The following ZFYVE1 variants were observed in gnomAD, a reference collection of about 807,000 sequenced individuals.
The protein encoded by ZFYVE1 is zinc finger FYVE domain-containing protein 1.
In ZFYVE1, 30 loss-of-function variants were observed where a neutral mutation model predicts 74.4. The ratio of observed to expected loss-of-function variants is 0.40; its 90% CI spans 0.30 to 0.55. The LOEUF (loss-of-function observed/expected upper bound fraction) is 0.55, where lower values mean the gene tolerates loss of function less well. ZFYVE1 is among the 20% of genes least tolerant of loss of function. The probability of loss-of-function intolerance (pLI) is 0.42; values close to 1 mark genes in which losing one functional copy is unlikely to be tolerated. For synonymous variants in ZFYVE1, 335 were observed against 385.1 expected, an observed-to-expected ratio of 0.87 and a Z score of 1.52; for missense variants, 703 against 1,011.6, an observed-to-expected ratio of 0.69 and a Z score of 4.14.
intron 2 of ZFYVE1, among the ~76,000 whole-genome samples, chr14:73,012,194 G>A (rs1371535052): frequency 6.6e-6 from 1 of 152,104 alleles, no homozygotes; most frequent in East Asian, 1.9e-4. Flanking sequence ...GGAAGAGGTA[G>A]ATAGGTTGTC....
intron 2 of ZFYVE1, among the ~76,000 whole-genome samples, chr14:73,013,511 G>A (rs1447635176): frequency 6.6e-6 from 1 of 152,012 alleles, no homozygotes; most frequent in Admixed American, 6.6e-5. Flanking sequence ...CGGAGGCTGA[G>A]GCAGGTGAAT....
At chr14:72,989,814 A>C (rs1893566556) in intron 4 of ZFYVE1, among the ~76,000 whole-genome samples, 1 of 152,142 alleles carries the variant, frequency 6.6e-6, no homozygotes, top group Non-Finnish European at 1.5e-5. Context: ...AAAAAAAAGA[A>C]AAAGAAAAAA....
In ZFYVE1 at chr14:72,997,875, T is replaced by C. The variant is rs1893783169; in HGVS notation, c.924A>G (p.Leu308=). Residue 308 remains leucine (L), a synonymous_variant, in exon 3 of 12, where the codon TTA becomes TTG. Transcript: ENST00000556143. ...TTARCGLDVP[L]STLGPAVIIF... ...TGATAACTGCAGGGCCCAGTGTGGA[T>C]AAAGGGACATCCAGGCCACAGCGAG... is the stretch of plus-strand genomic sequence containing the variant. The C allele has an allele frequency of 3.1e-6, 5 of 1,613,596 alleles. No homozygotes were observed. Among genetic ancestry groups the C allele is most frequent in the Non-Finnish European group, 4.2e-6 (5 of 1,179,600 alleles).
intron 4 of ZFYVE1, among the ~76,000 whole-genome samples, chr14:72,991,010 G>T (rs897396525): frequency 1.3e-5 from 2 of 151,854 alleles, no homozygotes; most frequent in Admixed American, 1.3e-4. Context: ...GACAGACCAG[G>T]TTCATTTTAA....
intron 11 of ZFYVE1, among the ~76,000 whole-genome samples, 194 bp downstream of exon 11, chr14:72,973,886 A>C (rs982140022): frequency 6.6e-6 from 1 of 152,226 alleles, no homozygotes; most frequent in Non-Finnish European, 1.5e-5. Flanking sequence ...GCTGTAAGAG[A>C]ATGGCTTCCA....
chr14:72,978,566 C>CAAAAAAAAAAAAAA (rs58858186), intron 6 of ZFYVE1, among the ~76,000 whole-genome samples: 9 of 50,972 alleles, frequency 1.8e-4, no homozygotes, highest in Admixed American at 3.1e-4. Context: ...GACTCTGTCT[C>CAAAAAAAAAAAAAA]AAAAAAAAAA....
intron 2 of ZFYVE1, among the ~76,000 whole-genome samples, chr14:73,018,395 C>T (rs536466120): frequency 8.5e-5 from 12 of 141,426 alleles, no homozygotes; most frequent in African/African-American, 2.4e-4. Context: ...TGCGCCACTG[C>T]GCTCCAGCCT....
intron 4 of ZFYVE1, among the ~76,000 whole-genome samples, chr14:72,982,102 G>A (rs2140351240): frequency 6.6e-6 from 1 of 152,342 alleles, no homozygotes; most frequent in South Asian, 2.1e-4. Context: ...AAGAGGTCAA[G>A]ATAAGCAAAG....
chr14:73,025,071 C>A (rs202244703), intron 1 of ZFYVE1, 129 bp from the exon 2 acceptor site: 1 of 134,666 alleles, frequency 7.4e-6, no homozygotes, highest in Non-Finnish European at 1.6e-5. Flanking sequence ...TCTTTTTTTT[C>A]TTTTTTTTTT....
At chr14:72,974,485 G>A (rs1427073831) in intron 10 of ZFYVE1, among the ~76,000 whole-genome samples, 2 of 152,184 alleles carry the variant, frequency 1.3e-5, no homozygotes, top group Admixed American at 6.5e-5. Context: ...GAGAAGACTG[G>A]TCTAAGCCAT....
At chr14:72,986,967 C>G in intron 4 of ZFYVE1, 1 of 985,382 alleles carries the variant, frequency 1.0e-6, no homozygotes, top group Non-Finnish European at 1.2e-6. Context: ...CAGGGAAGGG[C>G]CCACCTACCC....
intron 2 of ZFYVE1, among the ~76,000 whole-genome samples, chr14:73,018,887 T>G (rs1231708933): frequency 2.7e-5 from 4 of 148,874 alleles, no homozygotes; most frequent in Non-Finnish European, 4.4e-5. Context: ...GAGGTTGTAG[T>G]GAGCCAAGAT....
chr14:72,993,960 A>C (rs1259908639), intron 3 of ZFYVE1, among the ~76,000 whole-genome samples: 1 of 149,438 alleles, frequency 6.7e-6, no homozygotes, highest in African/African-American at 2.5e-5. Flanking sequence ...GGTTGCAGTG[A>C]GCCAAGATCG....
At chr14:73,013,473 T>C (rs1211128178) in intron 2 of ZFYVE1, among the ~76,000 whole-genome samples, 1 of 152,100 alleles carries the variant, frequency 6.6e-6, no homozygotes, top group Admixed American at 6.6e-5. Flanking sequence ...CCGGGCATGG[T>C]GGCAGGTGCC....
At chr14:73,002,476 C>CT (rs61396287) in intron 2 of ZFYVE1, among the ~76,000 whole-genome samples, 150,940 of 152,272 alleles carry the variant, frequency 0.99, 74,825 homozygotes, top group Middle Eastern at 1. Context: ...GGAGTTTTTG[C>CT]CTGTTGCCCA....
intron 3 of ZFYVE1, 61 bp from the exon 4 acceptor site, chr14:72,993,418 GT>G: frequency 7.4e-7 from 1 of 1,357,248 alleles, no homozygotes; most frequent in Non-Finnish European, 1.0e-6. Context: ...AAAAAAAAAA[GT>G]AGGCCAGGCA....
intron 4 of ZFYVE1, among the ~76,000 whole-genome samples, chr14:72,984,374 C>A (rs867862810): frequency 6.6e-6 from 1 of 151,794 alleles, no homozygotes; most frequent in African/African-American, 2.4e-5. Context: ...ACTAAAAATA[C>A]AAAAATTAGC....
At chr14:73,022,473 TACTG>T (rs1406770004) in intron 2 of ZFYVE1, among the ~76,000 whole-genome samples, 1 of 152,188 alleles carries the variant, frequency 6.6e-6, no homozygotes, top group Non-Finnish European at 1.5e-5. Context: ...ACTCCAGTGA[TACTG>T]ACTACAACAA....
Position 72,975,441 on chromosome 14 carries a change from T to C in ZFYVE1, c.1806+110A>G. On this transcript the variant is annotated intron_variant, in intron 9 of 11. Coordinates refer to ENST00000556143, the MANE Select transcript of ZFYVE1 (RefSeq NM_021260.4). This position sits in a 1 kb window ranked among gnomAD's most constrained non-coding sequence, Gnocchi z 4.1. ...CCGGTACTCACAGAGCTCACTGCACTGGCAGAAAATGTTTGCGTCTCCCTC... is the reference window on the plus strand; with the variant it reads ...CCGGTACTCACAGAGCTCACTGCACCGGCAGAAAATGTTTGCGTCTCCCTC... The C allele has an allele frequency of 4.3e-6, 6 of 1,398,942 alleles. No individual in the cohort carries two copies. The highest frequency in any genetic ancestry group is 5.8e-6 in the Non-Finnish European group (6 of 1,037,406). 86.7% of individuals were successfully genotyped at this position (1,398,942 alleles called of 1,614,324 possible).
Sources: allele counts gnomAD v4.1 joint callset (sites outside exome capture counted in the v4.1 genomes callset), GRCh38; gene constraint gnomAD v4.1.1; non-coding constraint Gnocchi (gnomAD v3.1); transcripts MANE v1.5; gene names NCBI Gene and HGNC (gene_info 2026-07-23, HGNC 2026-07-21).